CDK5RAP3: variants seen among roughly 807,000 people sequenced by gnomAD.
The protein encoded by CDK5RAP3 is CDK5 regulatory subunit associated protein 3.
A neutral mutation model predicts 73.3 loss-of-function variants in CDK5RAP3; 58 were observed. The ratio of observed to expected loss-of-function variants is 0.79; its 90% CI spans 0.64 to 0.98. The LOEUF (loss-of-function observed/expected upper bound fraction) is 0.98. Ranked by LOEUF, CDK5RAP3 falls within the 50% of genes least tolerant of loss-of-function variation. CDK5RAP3 has a pLI of 0.00. For missense variants in CDK5RAP3, 525 were observed against 615.8 expected, an observed-to-expected ratio of 0.85 and a Z score of 1.56; for synonymous variants, 224 against 247.5, an observed-to-expected ratio of 0.91 and a Z score of 0.89.
intron 1 of CDK5RAP3, 87 bp from the exon 2 acceptor site, chr17:47,971,275 G>T (rs765594750): frequency 6.5e-7 from 1 of 1,545,518 alleles, no homozygotes; most frequent in East Asian, 2.4e-5. Context: ...GCCCTGCAGG[G>T]TGGTGGTTGG....
chr17:47,972,723 A>G (rs908523087), intron 2 of CDK5RAP3, among the ~76,000 whole-genome samples: 4 of 151,890 alleles, frequency 2.6e-5, no homozygotes, highest in Admixed American at 2.6e-4. Context: ...AAAAATGATC[A>G]CTGTCATTTT....
At chr17:47,977,604 C>G (rs934216796) in intron 9 of CDK5RAP3, among the ~76,000 whole-genome samples, 13 of 152,138 alleles carry the variant, frequency 8.5e-5, no homozygotes, top group Non-Finnish European at 1.9e-4. Context: ...TTTTGATGTC[C>G]TTTTTCTTGG....
chr17:47,976,658 C>T (rs529511191), intron 8 of CDK5RAP3, 54 bp from the exon 9 acceptor site: 3 of 1,253,780 alleles, frequency 2.4e-6, no homozygotes, highest in Non-Finnish European at 3.5e-6. Context: ...GCCACCATGC[C>T]CGGCCCTTTT....
At chr17:47,976,065 C>T in intron 8 of CDK5RAP3, 52 bp downstream of exon 8, 1 of 1,579,866 alleles carries the variant, frequency 6.3e-7, no homozygotes, top group Non-Finnish European at 8.6e-7. Flanking sequence ...GCTGCTTGTC[C>T]CCTCCCCACC....
upstream of CDK5RAP3, among the ~76,000 whole-genome samples, chr17:47,969,442 AGCTACTGGGGAG>A (rs1327479743): frequency 6.6e-6 from 1 of 151,522 alleles, no homozygotes; most frequent in Non-Finnish European, 1.5e-5. Flanking sequence ...CTGTAGTCCC[AGCTACTGGGGAG>A]GCTGAGGCAG....
intron 11 of CDK5RAP3, 58 bp from the exon 12 acceptor site, chr17:47,980,535 G>A: frequency 6.6e-7 from 1 of 1,522,244 alleles, no homozygotes; most frequent in Non-Finnish European, 9.1e-7. Context: ...CCACAGTGCT[G>A]GAATTGCAAG....
At chr17:47,970,879 C>G (rs1043580430), upstream of CDK5RAP3, 86 of 1,426,496 alleles carry the variant, frequency 6.0e-5, no homozygotes, top group Non-Finnish European at 7.6e-5. Context: ...AGCGCACCCC[C>G]TCCCGTCCCC....
At position 47,978,865 on chromosome 17, in the gene CDK5RAP3, C is replaced by T; in HGVS notation, c.1025C>T (p.Thr342Ile). The T allele has an allele frequency of 6.2e-7, 1 of 1,614,046 alleles. No homozygotes were observed. Among genetic ancestry groups the T allele is most frequent in the Non-Finnish European group, 8.5e-7 (1 of 1,180,000 alleles). The change falls in exon 11 of 14, where the codon ACA becomes ATA. Residue 342 changes from threonine (T) to isoleucine (I), a missense_variant. Physicochemically the swap from Thr to Ile is moderately conservative, Grantham distance 89 (BLOSUM62 -1). This residue lies in a region of CDK5RAP3 where 409 missense variants were observed against 429.8 expected (regional missense o/e 0.95). Transcript: ENST00000338399. ...EGVARGPDAL[T>I]LLEYTETRNQ... ...GTTGCCAGGGGCCCAGATGCCCTGACACTGCTTGAATACACTGAGACCCGG... is the reference window on the plus strand; with the variant it reads ...GTTGCCAGGGGCCCAGATGCCCTGATACTGCTTGAATACACTGAGACCCGG...
intron 5 of CDK5RAP3, 79 bp downstream of exon 5, chr17:47,974,527 A>G (rs954488816): frequency 1.2e-6 from 2 of 1,610,438 alleles, no homozygotes; most frequent in African/African-American, 2.7e-5. Flanking sequence ...GGCTTATAGG[A>G]GGCACAGTCT....
At chr17:47,970,816 G>A (rs2036241286), upstream of CDK5RAP3, 4 of 1,418,958 alleles carry the variant, frequency 2.8e-6, no homozygotes, top group Admixed American at 4.1e-5. Flanking sequence ...CAGGGGAAGC[G>A]GCTGCCAGGC....
At chr17:47,978,003 C>T in intron 10 of CDK5RAP3, 93 bp downstream of exon 10, 2 of 855,938 alleles carry the variant, frequency 2.3e-6, no homozygotes, top group Non-Finnish European at 3.8e-6. Flanking sequence ...TAAGATGAGG[C>T]TTCTTGCACA....
intron 3 of CDK5RAP3, 110 bp downstream of exon 3, chr17:47,973,760 C>T (rs2036324273): frequency 1.4e-6 from 2 of 1,422,264 alleles, no homozygotes; most frequent in Non-Finnish European, 1.9e-6. Flanking sequence ...AGAGAGGGAG[C>T]GATTTTTATT....
intron 2 of CDK5RAP3, among the ~76,000 whole-genome samples, chr17:47,972,148 G>T (rs1357195961): frequency 1.3e-5 from 2 of 151,752 alleles, no homozygotes; most frequent in African/African-American, 4.8e-5. Context: ...GATTTTAGGA[G>T]GAAGAGGGAC....
intron 2 of CDK5RAP3, among the ~76,000 whole-genome samples, chr17:47,972,907 G>A (rs2036303280): frequency 6.6e-6 from 1 of 152,152 alleles, no homozygotes; most frequent in Non-Finnish European, 1.5e-5. Context: ...ACAAAGCTCA[G>A]CTCTTAGCTC....
chr17:47,970,937 G>A, upstream of CDK5RAP3: 2 of 1,451,450 alleles, frequency 1.4e-6, no homozygotes, highest in Non-Finnish European at 1.8e-6. Context: ...CCATTCTCCC[G>A]CCCCTCCCGA....
rs1297928560 is a variant in CDK5RAP3, at chr17:47,981,596, C to T, written c.*94C>T. The T allele has an allele frequency of 6.2e-7, 1 of 1,608,830 alleles. No individual in the cohort carries two copies. The highest frequency in any genetic ancestry group is 8.5e-7 in the Non-Finnish European group (1 of 1,178,634). Reference sequence around the variant, plus strand: ...TTTGGGGCCCTTCAAGGCAAAAGACCAGGCTGACTGGAAGATGGAAAGCCA... The same window carrying T: ...TTTGGGGCCCTTCAAGGCAAAAGACTAGGCTGACTGGAAGATGGAAAGCCA... On this transcript the variant is annotated 3_prime_UTR_variant, in exon 14 of 14. Coordinates refer to ENST00000338399, the MANE Select transcript of CDK5RAP3 (RefSeq NM_176096.3).
intron 10 of CDK5RAP3, 55 bp downstream of exon 10, chr17:47,977,965 A>C: frequency 7.2e-7 from 1 of 1,380,608 alleles, no homozygotes; most frequent in Non-Finnish European, 1.0e-6. Context: ...AAGGGCCCCC[A>C]CGTGTCTAGA....
chr17:47,981,361 G>A (rs751300284), intron 13 of CDK5RAP3, 27 bp downstream of exon 13: 4 of 1,613,758 alleles, frequency 2.5e-6, no homozygotes, highest in Non-Finnish European at 3.4e-6. Context: ...AGGCCTGCCA[G>A]TGGGAGGACT....
In CDK5RAP3 at chr17:47,976,736, G is replaced by C. The variant is rs1439779849; in HGVS notation, c.823G>C (p.Glu275Gln). ...GATTGACTGGGGCGACTTTGGGGTA[G>C]AGGCAGTGTCTGAGGGGACTGACTC... is the stretch of plus-strand genomic sequence containing the variant. ...DAIDWGDFGV[E>Q]AVSEGTDSGI... The change falls in exon 9 of 14, where the codon GAG (glutamate) becomes CAG (glutamine). Residue 275 changes from glutamate (E) to glutamine (Q), a missense_variant. Physicochemically the swap from Glu to Gln is conservative, Grantham distance 29 (BLOSUM62 2). This residue lies in a region of CDK5RAP3 where 409 missense variants were observed against 429.8 expected (regional missense o/e 0.95). Transcript: ENST00000338399. 2 of 1,612,654 alleles carry C rather than the reference G, an allele frequency of 1.2e-6. No individual in the cohort carries two copies. Among genetic ancestry groups the C allele is most frequent in the Non-Finnish European group, 1.7e-6 (2 of 1,179,240 alleles).
Sources: gnomAD v4.1 joint callset for allele counts (sites outside exome capture counted in the v4.1 genomes callset) on GRCh38, gnomAD v4.1.1 for gene constraint, gnomAD v4.1.1 regional missense constraint, MANE v1.5 for transcripts, NCBI Gene and HGNC (gene_info 2026-07-23, HGNC 2026-07-21) for gene names.